MVP: variants seen among roughly 807,000 people sequenced by gnomAD.
The protein encoded by MVP is major vault protein, also known as lung resistance-related protein.
In MVP, 62 loss-of-function variants were observed where a neutral mutation model predicts 83.5. The observed-to-expected ratio is 0.74, with a 90% CI of 0.61 to 0.92. The LOEUF (loss-of-function observed/expected upper bound fraction) is 0.92. Ranked by LOEUF, MVP falls within the 40% of genes least tolerant of loss-of-function variation. MVP has a pLI of 0.00. For missense variants in MVP, 1,000 were observed against 1,203.4 expected (o/e 0.83, Z 2.50); for synonymous variants, 505 against 504.1 (o/e 1.00, Z -0.02).
chr16:29,823,635 C>T (rs1270620122), intron 1 of MVP, among the ~76,000 whole-genome samples: 2 of 151,898 alleles, frequency 1.3e-5, no homozygotes, highest in South Asian at 2.1e-4. Context: ...AGGCGGATCA[C>T]GAGGTTAGGA....
intron 13 of MVP, 63 bp from the exon 14 acceptor site, chr16:29,847,134 A>G (rs1361518979): frequency 1.3e-6 from 2 of 1,552,140 alleles, no homozygotes; most frequent in Non-Finnish European, 1.7e-6. Context: ...GGCTGCAGTG[A>G]GTCCTGATCT....
intron 7 of MVP, among the ~76,000 whole-genome samples, chr16:29,839,184 A>G (rs2067512539): frequency 1.3e-5 from 2 of 152,124 alleles, no homozygotes; most frequent in Non-Finnish European, 2.9e-5. Flanking sequence ...CCGAGACTCC[A>G]TCTCAAAAAA....
chr16:29,829,055 G>A (rs995401532), intron 1 of MVP, among the ~76,000 whole-genome samples: 1 of 150,842 alleles, frequency 6.6e-6, no homozygotes, highest in African/African-American at 2.4e-5. Context: ...GGTAGATGGT[G>A]GAATTGATGA....
In MVP at chr16:29,830,687, G is replaced by C. The variant is rs2067434806; in HGVS notation, c.125+13G>C. The C allele has an allele frequency of 6.2e-7, 1 of 1,613,452 alleles. No homozygotes were observed. On this transcript the variant is annotated intron_variant, in intron 2 of 14. Transcript: ENST00000357402. ...AGGACAATGAGAGGTGGGTGTGGGG[G>C]CTGGGCTGTGGGGGATCCTTGGGGA...
intron 2 of MVP, 27 bp from the exon 3 acceptor site, chr16:29,830,851 C>T: frequency 6.2e-7 from 1 of 1,601,268 alleles, no homozygotes; most frequent in South Asian, 1.1e-5. Context: ...GTCCCAGGTC[C>T]TCACACCTCT....
At position 29,836,918 on chromosome 16, in the gene MVP, C is replaced by G. The variant is rs368451204; in HGVS notation, c.869C>G (p.Pro290Arg). 5 of 1,613,752 alleles carry G rather than the reference C, an allele frequency of 3.1e-6. No individual in the cohort carries two copies. The highest frequency in any genetic ancestry group is 4.2e-6 in the Non-Finnish European group (5 of 1,179,926). ...TGCGTGATTCTCGACCCTGTCGGAC[C>G]GGATGGCAAGAATCAGCTGGGGCAG... ...NYCVILDPVG[P>R]DGKNQLGQKR... Residue 290 changes from proline (P) to arginine (R), a missense_variant, in exon 7 of 15, where the codon CCG becomes CGG. Transcript: ENST00000357402.
At chr16:29,847,693 A>G (rs1367719623) in intron 14 of MVP, 69 bp from the exon 15 acceptor site, 1 of 1,467,870 alleles carries the variant, frequency 6.8e-7, no homozygotes, top group East Asian at 2.3e-5. Flanking sequence ...CAGCTGACTT[A>G]AGGAGGGTCA....
intron 13 of MVP, 107 bp downstream of exon 13, chr16:29,846,391 C>A (rs746428684): frequency 1.1e-5 from 15 of 1,413,766 alleles, no homozygotes; most frequent in Non-Finnish European, 1.4e-5. Flanking sequence ...CAACATAAAG[C>A]CCTATCCAAG....
In MVP at chr16:29,841,996, G is replaced by A. The variant is rs2067539640; in HGVS notation, c.1518G>A (p.Lys506=). The A allele has an allele frequency of 1.1e-5, 18 of 1,612,298 alleles. No homozygotes were observed. Among genetic ancestry groups the A allele is most frequent in the Non-Finnish European group, 1.4e-5 (17 of 1,180,008 alleles). Residue 506 remains lysine (K), a synonymous_variant, in exon 10 of 15, where the codon AAG becomes AAA. Transcript: ENST00000357402. The surrounding 1 kb of genome is among the most constrained non-coding windows in gnomAD (Gnocchi z 4.7). ...TVLSLSAGRP[K]RPHARRALCL... ...TGTCCCTCTCAGCTGGGCGGCCCAA[G>A]CGTCCCCATGCCCGCCGTGCGCTCT...
intron 7 of MVP, among the ~76,000 whole-genome samples, chr16:29,837,235 ATGATG>A (rs946361765): frequency 1.3e-5 from 2 of 152,178 alleles, no homozygotes; most frequent in African/African-American, 4.8e-5. Flanking sequence ...GCGCCACTTA[ATGATG>A]GGGATACATT....
chr16:29,847,349 C>T lies in MVP; in HGVS notation c.2418C>T (p.Thr806=), dbSNP rs1456163302. Residue 806 remains threonine, a synonymous_variant, in exon 14 of 15, where the codon ACC becomes ACT. Coordinates refer to ENST00000357402, the MANE Select transcript of MVP (RefSeq NM_005115.5). ...TGACAGAGGCCATAGGCCCCAGCAC[C>T]ATCAGGGACCTTGCTGTGGCTGGGC... ...KQMTEAIGPS[T]IRDLAVAGPE... The T allele has an allele frequency of 1.3e-6, 2 of 1,580,672 alleles. No homozygotes were observed. Among genetic ancestry groups the T allele is most frequent in the Non-Finnish European group, 1.7e-6 (2 of 1,166,132 alleles).
intron 7 of MVP, among the ~76,000 whole-genome samples, chr16:29,837,341 G>GC (rs2067496176): frequency 6.6e-6 from 1 of 152,218 alleles, no homozygotes; most frequent in African/African-American, 2.4e-5. Flanking sequence ...GGCGTAGCCT[G>GC]CCCCTAGGCT....
chr16:29,830,381 G>T, intron 1 of MVP, 134 bp from the exon 2 acceptor site: 1 of 674,004 alleles, frequency 1.5e-6, no homozygotes, highest in South Asian at 1.9e-5. Context: ...GCATGCAGAT[G>T]CGGACAGGGA....
chr16:29,821,313 C>T (rs1173343272), intron 1 of MVP: 1 of 152,408 alleles, frequency 6.6e-6, no homozygotes, highest in Non-Finnish European at 1.5e-5. Flanking sequence ...CAGAAACTCC[C>T]TTGGCACACA....
chr16:29,832,514 G>T (rs2067451634), intron 3 of MVP, among the ~76,000 whole-genome samples: 3 of 150,004 alleles, frequency 2.0e-5, no homozygotes, highest in Admixed American at 2.0e-4. Context: ...AGCCAGGGTG[G>T]TCTCGATCTC....
chr16:29,846,969 G>A (rs944287484), intron 13 of MVP, among the ~76,000 whole-genome samples: 1 of 152,094 alleles, frequency 6.6e-6, no homozygotes, highest in Non-Finnish European at 1.5e-5. Context: ...TTTGAGGTCA[G>A]TTCGAGACCA....
chr16:29,832,684 C>G (rs1254756597), intron 3 of MVP, among the ~76,000 whole-genome samples: 1 of 151,032 alleles, frequency 6.6e-6, no homozygotes, highest in Admixed American at 6.6e-5. Context: ...GCCTCAACCT[C>G]CTGGGCTCAA....
At chr16:29,839,120 A>G (rs2067511959) in intron 7 of MVP, among the ~76,000 whole-genome samples, 1 of 151,860 alleles carries the variant, frequency 6.6e-6, no homozygotes, top group Non-Finnish European at 1.5e-5. Flanking sequence ...CCTGGAAGAC[A>G]GTAGTTGCAG....
chr16:29,831,785 G>A (rs760519287), intron 3 of MVP: 1 of 452,246 alleles, frequency 2.2e-6, no homozygotes, highest in Non-Finnish European at 4.4e-6. Flanking sequence ...GGCTGTGCCT[G>A]TTCTAGGAGA....
Sources: allele counts gnomAD v4.1 joint callset (sites outside exome capture counted in the v4.1 genomes callset), GRCh38; gene constraint gnomAD v4.1.1; non-coding constraint Gnocchi (gnomAD v3.1); transcripts MANE v1.5; gene names NCBI Gene and HGNC (gene_info 2026-07-23, HGNC 2026-07-21).